Variants in PCCA observed in about 807,000 individuals in gnomAD.
PCCA encodes propionyl-CoA carboxylase subunit alpha.
In PCCA, 74 loss-of-function variants were observed where a neutral mutation model predicts 101.3. That is an observed-to-expected ratio of 0.73 (90% CI 0.61 to 0.89). The LOEUF (loss-of-function observed/expected upper bound fraction) is 0.89. Ranked by LOEUF, PCCA falls within the 40% of genes least tolerant of loss-of-function variation. The pLI is 0.00. For missense variants in PCCA, 891 were observed against 907.0 expected, an observed-to-expected ratio of 0.98 and a Z score of 0.23; for synonymous variants, 294 against 313.6, an observed-to-expected ratio of 0.94 and a Z score of 0.66.
intron 16 of PCCA, among the ~76,000 whole-genome samples, chr13:100,319,947 C>T (rs2067830929): frequency 2.0e-5 from 3 of 152,152 alleles, no homozygotes; most frequent in Admixed American, 2.0e-4. Flanking sequence ...GATATTAGTT[C>T]TTCCTATCCA....
intron 19 of PCCA, among the ~76,000 whole-genome samples, chr13:100,392,420 G>A (rs1476172354): frequency 6.6e-6 from 1 of 152,154 alleles, no homozygotes; most frequent in Non-Finnish European, 1.5e-5. Flanking sequence ...AGTTTAATTT[G>A]TTGTGATTAA....
rs192730601 is a variant in PCCA at position 100,435,505 on chromosome 13, C to T, written c.1845+9774C>T. Among the ~76,000 whole-genome samples, 449 of 152,252 alleles carry T rather than the reference C, an allele frequency of 2.9e-3. 4 individuals carry two copies. Among genetic ancestry groups the T allele is most frequent in the African/African-American group, 0.01 (430 of 41,544 alleles). Reference sequence around the variant, plus strand: ...TACCTTTGCTTCAGGAATTAGCTCCCGATTCATCCAGTCCGATCACGTGTA... The same window carrying T: ...TACCTTTGCTTCAGGAATTAGCTCCTGATTCATCCAGTCCGATCACGTGTA... On this transcript the variant is annotated intron_variant, in intron 20 of 23. Coordinates refer to ENST00000376285, the MANE Select transcript of PCCA (RefSeq NM_000282.4).
At chr13:100,202,401 TATTC>T (rs1262561835) in intron 6 of PCCA, among the ~76,000 whole-genome samples, 1 of 152,132 alleles carries the variant, frequency 6.6e-6, no homozygotes, top group East Asian at 1.9e-4. Flanking sequence ...AAGAGTTTAT[TATTC>T]CATTTTCTTT....
At chr13:100,117,710 C>T (rs1278467306) in intron 4 of PCCA, among the ~76,000 whole-genome samples, 3 of 151,960 alleles carry the variant, frequency 2.0e-5, no homozygotes, top group South Asian at 2.1e-4. Context: ...CAACATGAGA[C>T]ATGTATACCT....
chr13:100,252,976 T>TC (rs1262141651), intron 8 of PCCA, among the ~76,000 whole-genome samples: 4 of 152,152 alleles, frequency 2.6e-5, no homozygotes, highest in African/African-American at 4.8e-5. Flanking sequence ...TCTGGACTCA[T>TC]CCCCCCTCAC....
chr13:100,092,701 T>C (rs941723503), intron 1 of PCCA, among the ~76,000 whole-genome samples: 1 of 152,264 alleles, frequency 6.6e-6, no homozygotes, highest in Non-Finnish European at 1.5e-5. Flanking sequence ...CATTGTGTGA[T>C]GCATTCATGA....
chr13:100,485,620 C>T (rs912088354), intron 21 of PCCA, among the ~76,000 whole-genome samples: 49 of 152,282 alleles, frequency 3.2e-4, no homozygotes, highest in African/African-American at 1.1e-3. Context: ...GTTTCCTAAA[C>T]GTACTACAAG....
intron 6 of PCCA, among the ~76,000 whole-genome samples, chr13:100,189,546 T>C (rs2057590126): frequency 1.3e-5 from 2 of 152,226 alleles, no homozygotes; most frequent in South Asian, 4.1e-4. Context: ...ACTCTGTGGG[T>C]TTTCTGTTTG....
chr13:100,386,396 C>T (rs115307822), intron 19 of PCCA, among the ~76,000 whole-genome samples: 4,719 of 151,808 alleles, frequency 0.031, 247 homozygotes, highest in African/African-American at 0.11. Flanking sequence ...TTTTTTAAGA[C>T]GGAATCTCGC....
intron 18 of PCCA, among the ~76,000 whole-genome samples, chr13:100,343,312 C>T (rs1179022594): frequency 6.6e-6 from 1 of 151,814 alleles, no homozygotes; most frequent in Non-Finnish European, 1.5e-5. Context: ...AGATGCTCAG[C>T]ATCATCGGTC....
At chr13:100,151,931 T>G (rs969146613) in intron 4 of PCCA, among the ~76,000 whole-genome samples, 1 of 152,080 alleles carries the variant, frequency 6.6e-6, no homozygotes, top group Non-Finnish European at 1.5e-5. Context: ...TATGCAATAT[T>G]AAGTCATTCT....
chr13:100,330,646 C>T lies in PCCA; in HGVS notation c.1515C>T (p.Ser505=), dbSNP rs201162791. The stretch of plus-strand genomic sequence containing the variant: ...GAGACATCAGCACTAAATTTCTCTC[C>T]GATGTGTATCCTGATGGCTTCAAAG... ...VKGDISTKFL[S]DVYPDGFKGH... Residue 505 remains serine, a synonymous_variant, in exon 17 of 24, where the codon TCC becomes TCT. Transcript: ENST00000376285. 3.0e-5 allele frequency: 48 copies of T among 1,606,794 alleles called. No individual in the cohort carries two copies. Among genetic ancestry groups the T allele is most frequent in the African/African-American group, 1.2e-4 (9 of 74,718 alleles).
At chr13:100,429,347 T>A (rs1392248577) in intron 20 of PCCA, among the ~76,000 whole-genome samples, 1 of 151,962 alleles carries the variant, frequency 6.6e-6, no homozygotes. Flanking sequence ...TTGCAATTGT[T>A]TATTCTGAGA....
intron 7 of PCCA, among the ~76,000 whole-genome samples, chr13:100,228,845 A>G (rs1390266986): frequency 1.3e-5 from 2 of 149,610 alleles, no homozygotes; most frequent in East Asian, 3.9e-4. Context: ...GGTTGCAATG[A>G]GCGGGGATCG....
At chr13:100,129,256 A>T (rs1008191633) in intron 4 of PCCA, among the ~76,000 whole-genome samples, 1 of 152,164 alleles carries the variant, frequency 6.6e-6, no homozygotes, top group Non-Finnish European at 1.5e-5. Flanking sequence ...AAGGTCTTTT[A>T]AAATCTTCTA....
At chr13:100,314,034 A>T (rs1417059283) in intron 16 of PCCA, among the ~76,000 whole-genome samples, 1 of 151,848 alleles carries the variant, frequency 6.6e-6, no homozygotes, top group Non-Finnish European at 1.5e-5. Context: ...ATTTCATTTC[A>T]TTAATTTTCA....
intron 16 of PCCA, among the ~76,000 whole-genome samples, chr13:100,321,796 T>C (rs1232469133): frequency 1.3e-5 from 2 of 152,108 alleles, no homozygotes; most frequent in Non-Finnish European, 1.5e-5. Context: ...TTTTGATAAA[T>C]TGAGAATTGG....
chr13:100,435,468 G>A (rs1398074815), intron 20 of PCCA, among the ~76,000 whole-genome samples: 1 of 152,176 alleles, frequency 6.6e-6, no homozygotes, highest in Non-Finnish European at 1.5e-5. Flanking sequence ...GTAAGTAGTT[G>A]GGAAGGCAAC....
intron 7 of PCCA, among the ~76,000 whole-genome samples, chr13:100,230,401 C>T (rs763940084): frequency 4.6e-5 from 7 of 151,906 alleles, no homozygotes; most frequent in South Asian, 2.1e-4. Context: ...AAAAATTAGC[C>T]GGGTGTGGTG....
Sources: allele counts gnomAD v4.1 joint callset (sites outside exome capture counted in the v4.1 genomes callset), GRCh38; gene constraint gnomAD v4.1.1; transcripts MANE v1.5; gene names NCBI Gene and HGNC (gene_info 2026-07-23, HGNC 2026-07-21).